The following HYCC2 variants were observed in gnomAD, a reference collection of about 807,000 sequenced individuals.
HYCC2 encodes the protein hyccin 2.
chr2:201,022,343 G>C, the HYCC2 span: 1 of 287,606 alleles, frequency 3.5e-6, no homozygotes, highest in Admixed American at 4.8e-5. Flanking sequence ...TGACTACTTA[G>C]ACTAAAAAGT....
At chr2:201,060,742 G>A in the HYCC2 span, among the ~76,000 whole-genome samples, 1 of 152,146 alleles carries the variant, frequency 6.6e-6, no homozygotes, top group Non-Finnish European at 1.5e-5. Context: ...GCAAAAAAGA[G>A]ACTCCAGCAA....
chr2:201,025,138 C>G, the HYCC2 span, among the ~76,000 whole-genome samples: 1 of 151,782 alleles, frequency 6.6e-6, no homozygotes, highest in Admixed American at 6.6e-5. Context: ...AATAAATGCA[C>G]TAGGAAAATG....
the HYCC2 span, chr2:200,988,153 ATTACT>A: frequency 2.8e-5 from 24 of 860,158 alleles, no homozygotes; most frequent in Admixed American, 5.8e-5. Flanking sequence ...AACAAAAAAA[ATTACT>A]TTAATTATAC....
chr2:201,056,175 G>T, the HYCC2 span, among the ~76,000 whole-genome samples: 865 of 151,670 alleles, frequency 5.7e-3, 2 homozygotes, highest in Middle Eastern at 0.01. Flanking sequence ...ACCTGGGCAA[G>T]AGTGCGAGAC....
At chr2:201,054,107 G>A in the HYCC2 span, among the ~76,000 whole-genome samples, 2 of 152,160 alleles carry the variant, frequency 1.3e-5, no homozygotes, top group East Asian at 1.9e-4. Context: ...TATGCAAAGG[G>A]ATGTGTACCC....
the HYCC2 span, among the ~76,000 whole-genome samples, chr2:201,005,729 T>C: frequency 6.6e-6 from 1 of 152,208 alleles, no homozygotes; most frequent in African/African-American, 2.4e-5. Context: ...ACCAACACGA[T>C]GGTCAAACCT....
chr2:201,018,664 T>C, the HYCC2 span, among the ~76,000 whole-genome samples: 1 of 152,142 alleles, frequency 6.6e-6, no homozygotes, highest in Non-Finnish European at 1.5e-5. Flanking sequence ...ATCAGAACAG[T>C]TTTTAAAATC....
the HYCC2 span, among the ~76,000 whole-genome samples, chr2:200,989,689 C>A: frequency 6.6e-6 from 1 of 151,948 alleles, no homozygotes; most frequent in Admixed American, 6.6e-5. Flanking sequence ...TGGTATGCAC[C>A]TGTAGTCCCA....
chr2:201,024,019 C>T, the HYCC2 span: 1 of 1,608,636 alleles, frequency 6.2e-7, no homozygotes, highest in Non-Finnish European at 8.5e-7. Context: ...TTTTCTTTTA[C>T]CTTCTACTCC....
chr2:201,064,770 C>T, the HYCC2 span, among the ~76,000 whole-genome samples: 3 of 152,202 alleles, frequency 2.0e-5, no homozygotes, highest in East Asian at 5.8e-4. Flanking sequence ...AAAAAATCTT[C>T]TGTGTATCTG....
the HYCC2 span, chr2:201,008,958 A>T: frequency 6.8e-7 from 1 of 1,472,858 alleles, no homozygotes; most frequent in East Asian, 2.3e-5. Context: ...TACTATATAC[A>T]GTTTTGACCA....
the HYCC2 span, among the ~76,000 whole-genome samples, chr2:201,001,299 A>T: frequency 1.3e-5 from 2 of 152,158 alleles, no homozygotes; most frequent in Non-Finnish European, 2.9e-5. Context: ...TGTACTTTCG[A>T]ATCTGCAGAA....
the HYCC2 span, among the ~76,000 whole-genome samples, chr2:201,067,423 C>CT: frequency 1.3e-5 from 2 of 152,138 alleles, no homozygotes; most frequent in Non-Finnish European, 2.9e-5. Flanking sequence ...TTTATGACCA[C>CT]TTTTTTGGCA....
the HYCC2 span, chr2:201,023,914 A>G: frequency 7.2e-7 from 1 of 1,398,216 alleles, no homozygotes; most frequent in South Asian, 1.2e-5. Context: ...TGAATTACTG[A>G]TGTATAGAAA....
the HYCC2 span, chr2:201,022,946 C>T: frequency 4.5e-6 from 7 of 1,560,222 alleles, no homozygotes; most frequent in Non-Finnish European, 6.1e-6. Context: ...AAAGAAACCA[C>T]CAAAGGAAAA....
chr2:201,022,111 G>T, the HYCC2 span: 3,392 of 1,289,188 alleles, frequency 2.6e-3, 12 homozygotes, highest in Non-Finnish European at 3.2e-3. Context: ...CTTGGAGGCT[G>T]TATCTGGGAA....
At chr2:200,976,556 A>G in the HYCC2 span, 2 of 152,228 alleles carry the variant, frequency 1.3e-5, no homozygotes, top group African/African-American at 2.4e-5. Context: ...AGTGGTGCAA[A>G]CAAAACAATC....
chr2:200,991,254 G>C, the HYCC2 span, among the ~76,000 whole-genome samples: 1 of 152,084 alleles, frequency 6.6e-6, no homozygotes, highest in African/African-American at 2.4e-5. Context: ...CAGATCACTT[G>C]AGATCAGGAT....
the HYCC2 span, among the ~76,000 whole-genome samples, chr2:201,056,189 G>A: frequency 3.4e-5 from 5 of 148,122 alleles, no homozygotes; most frequent in African/African-American, 1.3e-4. Flanking sequence ...GCGAGACTCC[G>A]TCTCAAAAAA....
Sources: allele counts gnomAD v4.1 joint callset (sites outside exome capture counted in the v4.1 genomes callset), GRCh38; gene constraint gnomAD v4.1.1; transcripts MANE v1.5; gene names NCBI Gene and HGNC (gene_info 2026-07-23, HGNC 2026-07-21).